The following GRB14 variants were observed in gnomAD, a reference collection of about 807,000 sequenced individuals.
GRB14 encodes growth factor receptor bound protein 14.
A neutral mutation model predicts 69.1 loss-of-function variants in GRB14; 38 were observed. The ratio of observed to expected loss-of-function variants is 0.55; its 90% CI spans 0.42 to 0.72. GRB14 has a LOEUF of 0.72. GRB14 is among the 30% of genes least tolerant of loss of function. GRB14 has a pLI of 0.00. For synonymous variants in GRB14, 247 were observed against 241.3 expected, an observed-to-expected ratio of 1.02 and a Z score of -0.22; for missense variants, 666 against 666.1, an observed-to-expected ratio of 1.00 and a Z score of 0.00.
chr2:164,592,204 G>A (rs551666954), intron 2 of GRB14, among the ~76,000 whole-genome samples: 10 of 151,738 alleles, frequency 6.6e-5, no homozygotes, highest in South Asian at 6.3e-4. Context: ...GCACCATCTC[G>A]GCTCACTGCA....
At position 164,621,334 on chromosome 2, in the gene GRB14, G is replaced by C. The variant is rs757559953; in HGVS notation, c.-25C>G. Reference sequence around the variant, plus strand: ...TTGTCGCCGGCCGGGGGGCTCGGGCGTCATGGGAGACTCGGCGCGTGGGGA... The same window carrying C: ...TTGTCGCCGGCCGGGGGGCTCGGGCCTCATGGGAGACTCGGCGCGTGGGGA... On this transcript the variant is annotated 5_prime_UTR_variant, in exon 1 of 14. Transcript: ENST00000263915. This position sits in a 1 kb window ranked among gnomAD's most constrained non-coding sequence, Gnocchi z 6.0. The C allele has an allele frequency of 7.8e-7, 1 of 1,277,834 alleles. No individual in the cohort carries two copies. Among genetic ancestry groups the C allele is most frequent in the Non-Finnish European group, 9.9e-7 (1 of 1,012,250 alleles). The allele number at this position is 1,277,834 out of a possible 1,614,324, so 79.2% of individuals were successfully genotyped here. A position where few individuals can be genotyped will look rare whatever the true frequency, so the allele number is the denominator to read the frequency against.
intron 2 of GRB14, among the ~76,000 whole-genome samples, chr2:164,596,677 A>C (rs1399194003): frequency 2.6e-5 from 4 of 152,214 alleles, no homozygotes; most frequent in Non-Finnish European, 5.9e-5. Flanking sequence ...ACTGATAAAT[A>C]CACAAAGAAA....
chr2:164,570,554 G>A (rs984702304), intron 2 of GRB14, among the ~76,000 whole-genome samples: 1 of 152,120 alleles, frequency 6.6e-6, no homozygotes, highest in East Asian at 1.9e-4. Flanking sequence ...CACCAAGGTA[G>A]AAGCAACTGC....
At chr2:164,573,826 T>C in intron 2 of GRB14, 2 of 1,612,896 alleles carry the variant, frequency 1.2e-6, no homozygotes, top group Middle Eastern at 2.0e-4. Context: ...TGAACATGAC[T>C]CCAGAAGAAG....
At chr2:164,542,695 C>T (rs1396892397) in intron 3 of GRB14, among the ~76,000 whole-genome samples, 2 of 152,062 alleles carry the variant, frequency 1.3e-5, no homozygotes, top group East Asian at 3.9e-4. Flanking sequence ...AATGAGATAC[C>T]ATCTCCCATC....
rs564336464 is a variant in GRB14, at chr2:164,616,393, T to C, written c.324+3294A>G. Reference sequence around the variant, plus strand: ...GTAAGCCGAGATTGTGCCACTGCACTCCAGCCTGGGCGACAGAGCGAGACT... The same window carrying C: ...GTAAGCCGAGATTGTGCCACTGCACCCCAGCCTGGGCGACAGAGCGAGACT... On this transcript the variant is annotated intron_variant, in intron 2 of 13. Transcript: ENST00000263915. Among the ~76,000 whole-genome samples, 429 of 123,434 alleles carry C rather than the reference T, an allele frequency of 3.5e-3. 2 individuals carry two copies. Among genetic ancestry groups the C allele is most frequent in the Non-Finnish European group, 5.8e-3 (374 of 64,234 alleles). 81.0% of individuals were successfully genotyped at this position (123,434 alleles called of 152,430 possible).
intron 2 of GRB14, among the ~76,000 whole-genome samples, chr2:164,569,923 A>G (rs1159093552): frequency 1.3e-5 from 2 of 152,210 alleles, no homozygotes; most frequent in Admixed American, 1.3e-4. Context: ...TGTGAAGTAA[A>G]AGATTCTGTT....
intron 2 of GRB14, among the ~76,000 whole-genome samples, chr2:164,611,241 T>G (rs1030945095): frequency 1.3e-5 from 2 of 152,156 alleles, no homozygotes; most frequent in Non-Finnish European, 2.9e-5. Flanking sequence ...GCGATTTACC[T>G]TTCTGAAAGT....
intron 3 of GRB14, among the ~76,000 whole-genome samples, chr2:164,546,867 C>A (rs571367621): frequency 6.6e-6 from 1 of 152,108 alleles, no homozygotes; most frequent in Non-Finnish European, 1.5e-5. Flanking sequence ...TTCAGCAGCA[C>A]CACACGATAG....
At chr2:164,576,406 G>A (rs572628098) in intron 2 of GRB14, among the ~76,000 whole-genome samples, 2 of 150,368 alleles carry the variant, frequency 1.3e-5, no homozygotes, top group South Asian at 2.1e-4. Flanking sequence ...TAAGAAATTG[G>A]TTTAAAAAAA....
intron 1 of GRB14, among the ~76,000 whole-genome samples, chr2:164,620,629 G>T (rs1690433916): frequency 6.6e-6 from 1 of 152,128 alleles, no homozygotes; most frequent in Non-Finnish European, 1.5e-5. Flanking sequence ...ACTTAGTGCT[G>T]AATGCTATGG....
At chr2:164,587,254 G>A (rs1250542781) in intron 2 of GRB14, among the ~76,000 whole-genome samples, 1 of 152,146 alleles carries the variant, frequency 6.6e-6, no homozygotes, top group Non-Finnish European at 1.5e-5. Context: ...TGTCTTCAAA[G>A]TTGACTTTAG....
chr2:164,523,569 TAAAAG>T (rs1160714616), intron 5 of GRB14, among the ~76,000 whole-genome samples: 1 of 152,072 alleles, frequency 6.6e-6, no homozygotes, highest in Non-Finnish European at 1.5e-5. Flanking sequence ...AGTAAATTAC[TAAAAG>T]AAATTTAATT....
intron 2 of GRB14, among the ~76,000 whole-genome samples, chr2:164,580,392 C>G (rs938550885): frequency 6.6e-6 from 1 of 151,252 alleles, no homozygotes; most frequent in African/African-American, 2.4e-5. Context: ...CATGCCCAGC[C>G]TTATGATACA....
chr2:164,551,767 T>G (rs1463049150), intron 2 of GRB14, among the ~76,000 whole-genome samples: 1 of 152,166 alleles, frequency 6.6e-6, no homozygotes, highest in Non-Finnish European at 1.5e-5. Flanking sequence ...ATGCGCCTCT[T>G]TTATGTGCTC....
intron 2 of GRB14, among the ~76,000 whole-genome samples, chr2:164,585,080 C>G (rs1422701904): frequency 1.6e-5 from 2 of 122,242 alleles, no homozygotes; most frequent in South Asian, 3.0e-4. Context: ...TACCACCATG[C>G]CTGGCTTTTT....
At chr2:164,499,679 T>C (rs1687000010) in intron 9 of GRB14, among the ~76,000 whole-genome samples, 1 of 152,132 alleles carries the variant, frequency 6.6e-6, no homozygotes, top group Non-Finnish European at 1.5e-5. Flanking sequence ...GGTCTGGGTA[T>C]ACCCTGGATT....
intron 2 of GRB14, among the ~76,000 whole-genome samples, chr2:164,617,514 C>T (rs1377218008): frequency 6.6e-6 from 1 of 152,134 alleles, no homozygotes; most frequent in Non-Finnish European, 1.5e-5. Flanking sequence ...ACTATCCACA[C>T]TTAGGGCACA....
intron 8 of GRB14, among the ~76,000 whole-genome samples, chr2:164,504,869 T>C (rs1345520211): frequency 1.3e-5 from 2 of 152,274 alleles, no homozygotes; most frequent in East Asian, 3.9e-4. Flanking sequence ...GGGGCCTTAA[T>C]AAGTGGAAGG....
Sources: gnomAD v4.1 joint callset for allele counts (sites outside exome capture counted in the v4.1 genomes callset) on GRCh38, gnomAD v4.1.1 for gene constraint, Gnocchi (gnomAD v3.1) non-coding constraint, MANE v1.5 for transcripts, NCBI Gene and HGNC (gene_info 2026-07-23, HGNC 2026-07-21) for gene names.